RAD54L2: variants seen among roughly 807,000 people sequenced by gnomAD.
The protein encoded by RAD54L2 is RAD54 like 2.
RAD54L2 carries 27 observed loss-of-function variants against 138.4 expected under a neutral mutation model. The observed-to-expected ratio is 0.20, with a 90% CI of 0.14 to 0.27. RAD54L2 has a LOEUF of 0.27. RAD54L2 is among the 10% of genes least tolerant of loss of function. RAD54L2 has a pLI of 1.00. For synonymous variants in RAD54L2, 644 were observed against 723.2 expected (o/e 0.89, Z 1.76); for missense variants, 1,396 against 1,890.2 (o/e 0.74, Z 4.85).
At chr3:51,599,232 G>A (rs1384759726) in intron 3 of RAD54L2, among the ~76,000 whole-genome samples, 1 of 152,160 alleles carries the variant, frequency 6.6e-6, no homozygotes, top group East Asian at 1.9e-4. Context: ...TGGTGTGAGA[G>A]CAGAGGAAAA....
chr3:51,608,456 T>G (rs1221364747), intron 3 of RAD54L2, among the ~76,000 whole-genome samples: 1 of 152,130 alleles, frequency 6.6e-6, no homozygotes, highest in African/African-American at 2.4e-5. Flanking sequence ...ATCTCGGCAC[T>G]TTGGGAGGCC....
intron 20 of RAD54L2, among the ~76,000 whole-genome samples, chr3:51,657,181 G>A (rs1701623808): frequency 6.6e-6 from 1 of 152,190 alleles, no homozygotes; most frequent in Non-Finnish European, 1.5e-5. Flanking sequence ...GGTAATGCCA[G>A]CAAGGAAGAA....
chr3:51,660,422 C>T (rs1444584787), intron 22 of RAD54L2, among the ~76,000 whole-genome samples: 3 of 151,376 alleles, frequency 2.0e-5, no homozygotes, highest in Admixed American at 6.6e-5. Context: ...CGTTCTCCTG[C>T]CTCAGCCTCC....
In RAD54L2 at chr3:51,629,384, A is replaced by G. The variant is rs1700780028; in HGVS notation, c.392A>G (p.Gln131Arg). Reference protein sequence around the residue: ...QLEPVTKAAQQEELERRKRLE... With the variant: ...QLEPVTKAAQREELERRKRLE... Reference sequence around the variant, plus strand: ...GAGCCTGTTACCAAAGCAGCACAGCAAGAAGAGTTGGAAAGAAGGAAGCGC... The same window carrying G: ...GAGCCTGTTACCAAAGCAGCACAGCGAGAAGAGTTGGAAAGAAGGAAGCGC... Residue 131 changes from glutamine (Q) to arginine (R), a missense_variant, in exon 5 of 23, where the codon CAA becomes CGA. Gln to Arg is a conservative substitution (Grantham distance 43, BLOSUM62 1). This residue lies in a region of RAD54L2 where 256 missense variants were observed against 344.6 expected (regional missense o/e 0.74). Coordinates refer to ENST00000684192, the MANE Select transcript of RAD54L2 (RefSeq NM_015106.4). 6.2e-7 allele frequency: 1 copy of G among 1,604,490 alleles called. No individual in the cohort carries two copies. The highest frequency in any genetic ancestry group is 8.5e-7 in the Non-Finnish European group (1 of 1,175,650).
intron 2 of RAD54L2, among the ~76,000 whole-genome samples, chr3:51,587,377 C>T (rs750266680): frequency 1.2e-4 from 18 of 152,198 alleles, no homozygotes; most frequent in Admixed American, 4.6e-4. Context: ...GCTGGGATTA[C>T]AAGCATGAGC....
rs1241254422 is a variant in RAD54L2 at position 51,665,979 on chromosome 3, C to A, written c.*2559C>A. 5 of 152,136 alleles carry A rather than the reference C, an allele frequency of 3.3e-5. No individual in the cohort carries two copies. Among genetic ancestry groups the A allele is most frequent in the Non-Finnish European group, 7.3e-5 (5 of 68,028 alleles). 9.4% of individuals were successfully genotyped at this position (152,136 alleles called of 1,614,324 possible). A position where few individuals can be genotyped will look rare whatever the true frequency, so the allele number is the denominator to read the frequency against. ...AGTTGACAGAAAGTAAATGGGTATT[C>A]TGAGAGGCAGCACATGCCTACTGTC... is the stretch of plus-strand genomic sequence containing the variant. On this transcript the variant is annotated 3_prime_UTR_variant, in exon 23 of 23. Coordinates refer to ENST00000684192, the MANE Select transcript of RAD54L2 (RefSeq NM_015106.4).
intron 21 of RAD54L2, among the ~76,000 whole-genome samples, chr3:51,657,916 CTTTT>C (rs71084155): frequency 2.3e-5 from 2 of 87,442 alleles, no homozygotes; most frequent in Non-Finnish European, 4.3e-5. Flanking sequence ...ATCTTGCTGT[CTTTT>C]TTTTTTTTTT....
rs1252089190 is a variant in RAD54L2 at position 51,637,207 on chromosome 3, T to C, written c.1386T>C (p.Cys462=). 1.3e-6 allele frequency: 2 copies of C among 1,594,456 alleles called. No homozygotes were observed. The change falls in exon 11 of 23, where the codon TGT becomes TGC. Residue 462 remains cysteine, a synonymous_variant. Transcript: ENST00000684192. This position sits in a 1 kb window ranked among gnomAD's most constrained non-coding sequence, Gnocchi z 5.9. ...GCCCTGGCCCTGATGTAGTAATCTGTGATGAGGGACACCGCATCAAAAACT... is the reference window on the plus strand; with the variant it reads ...GCCCTGGCCCTGATGTAGTAATCTGCGATGAGGGACACCGCATCAAAAACT... ...LCRPGPDVVI[C]DEGHRIKNCQ...
In RAD54L2 at chr3:51,627,462, C is replaced by A. The variant is rs1700717129; in HGVS notation, c.140-91C>A. ...CCTTAGATTACCAGCTAATAAGTTG[C>A]TGAGTTGAGATTTGAACCCAGGTGT... On this transcript the variant is annotated intron_variant, in intron 3 of 22. Coordinates refer to ENST00000684192, the MANE Select transcript of RAD54L2 (RefSeq NM_015106.4). 4.8e-6 allele frequency: 6 copies of A among 1,240,704 alleles called. No homozygotes were observed. The South Asian group carries it at 6.6e-5, about 14-fold the overall frequency. 76.9% of individuals were successfully genotyped at this position (1,240,704 alleles called of 1,614,324 possible).
rs371347339 is a variant in RAD54L2 at position 51,590,432 on chromosome 3, A to G, written c.12A>G (p.Glu4=). The G allele has an allele frequency of 6.5e-7, 1 of 1,541,634 alleles. No individual in the cohort carries two copies. The highest frequency in any genetic ancestry group is 8.8e-7 in the Non-Finnish European group (1 of 1,140,530). Residue 4 remains glutamate, a synonymous_variant, in exon 3 of 23, where the codon GAA becomes GAG. Coordinates refer to ENST00000684192, the MANE Select transcript of RAD54L2 (RefSeq NM_015106.4). ...GACCTCTGGGAGCCATGTCAGACGA[A>G]TCTGCCTCAGGGAGCGATCCAGACC... MSD[E]SASGSDPDLD...
intron 2 of RAD54L2, among the ~76,000 whole-genome samples, chr3:51,542,209 T>G (rs1165856384): frequency 6.6e-6 from 1 of 152,248 alleles, no homozygotes; most frequent in Non-Finnish European, 1.5e-5. Context: ...TACAGCCTTC[T>G]TTGCAGATTG....
intron 21 of RAD54L2, 88 bp downstream of exon 21, chr3:51,657,757 A>G (rs961570716): frequency 3.9e-5 from 36 of 922,204 alleles, no homozygotes; most frequent in Middle Eastern, 2.3e-4. Flanking sequence ...CTTGAGCTAG[A>G]CGGGTCATAG....
At chr3:51,547,660 C>T (rs1319167948) in intron 2 of RAD54L2, among the ~76,000 whole-genome samples, 9 of 151,028 alleles carry the variant, frequency 6.0e-5, no homozygotes, top group African/African-American at 2.0e-4. Flanking sequence ...CAGCTCACTG[C>T]AGCTTCCACC....
At chr3:51,546,782 A>G (rs1698707392) in intron 2 of RAD54L2, among the ~76,000 whole-genome samples, 1 of 151,936 alleles carries the variant, frequency 6.6e-6, no homozygotes, top group Non-Finnish European at 1.5e-5. Context: ...TAATCCCAGC[A>G]CTTTGGGAGG....
intron 2 of RAD54L2, among the ~76,000 whole-genome samples, chr3:51,549,998 C>T (rs1553673244): frequency 6.6e-6 from 1 of 152,152 alleles, no homozygotes; most frequent in Non-Finnish European, 1.5e-5. Flanking sequence ...GCTTCCCTGA[C>T]TTTGTGCCCT....
rs777975983 is a variant in RAD54L2 at position 51,646,419 on chromosome 3, G to A, written c.2964G>A (p.Ala988=). 85 of 1,613,782 alleles carry A rather than the reference G, an allele frequency of 5.3e-5. No homozygotes were observed. The highest frequency in any genetic ancestry group is 6.2e-5 in the Non-Finnish European group (73 of 1,179,828). Residue 988 remains alanine (A), a synonymous_variant, in exon 19 of 23, where the codon GCG becomes GCA. Coordinates refer to ENST00000684192, the MANE Select transcript of RAD54L2 (RefSeq NM_015106.4). ...TCCCCTATACCCGCCCATCGTATGC[G>A]CAGTATTACCCTGCCAGCGATCAGA... ...TSVPYTRPSY[A]QYYPASDQSL...
intron 21 of RAD54L2, 118 bp from the exon 22 acceptor site, chr3:51,659,908 G>A (rs1701714749): frequency 3.2e-6 from 2 of 618,150 alleles, no homozygotes; most frequent in Admixed American, 5.4e-5. Context: ...GGGGTCTTGG[G>A]AGATGGTATA....
At position 51,608,043 on chromosome 3, in the gene RAD54L2, G is replaced by T. The variant is rs1180664616; in HGVS notation, c.139+17484G>T. 1.5e-4 allele frequency among the ~76,000 whole-genome samples: 23 copies of T among 151,744 alleles called. 1 individual carries two copies. The East Asian group carries it at 4.3e-3, about 29-fold the overall frequency. On this transcript the variant is annotated intron_variant, in intron 3 of 22. Transcript: ENST00000684192. ...TCACTTCCCGGACAGGGCGGCTGCCGGGCAGAGGGGCTCCTCACTTCCCAG... is the reference window on the plus strand; with the variant it reads ...TCACTTCCCGGACAGGGCGGCTGCCTGGCAGAGGGGCTCCTCACTTCCCAG...
intron 3 of RAD54L2, among the ~76,000 whole-genome samples, chr3:51,612,808 C>T (rs991080543): frequency 5.9e-5 from 9 of 151,884 alleles, no homozygotes; most frequent in African/African-American, 2.2e-4. Flanking sequence ...GAGAGGCATA[C>T]TTTAAAGATT....
Sources: allele counts gnomAD v4.1 joint callset (sites outside exome capture counted in the v4.1 genomes callset), GRCh38; gene constraint gnomAD v4.1.1; regional missense constraint gnomAD v4.1.1; non-coding constraint Gnocchi (gnomAD v3.1); transcripts MANE v1.5; gene names NCBI Gene and HGNC (gene_info 2026-07-23, HGNC 2026-07-21).